Variants in ARHGEF5 observed in about 807,000 individuals in gnomAD.
The protein encoded by ARHGEF5 is Rho guanine nucleotide exchange factor (GEF) 5.
Under a neutral mutation model 104.0 loss-of-function variants are expected in ARHGEF5, and 11 were observed. The observed-to-expected ratio is 0.11, with a 90% CI of 0.07 to 0.18. The LOEUF (loss-of-function observed/expected upper bound fraction) is 0.18. Among genes scored for constraint, ARHGEF5 ranks in the 10% least tolerant of loss-of-function variants. The pLI is 1.00. For missense variants in ARHGEF5, 165 were observed against 1,335.4 expected, an observed-to-expected ratio of 0.12 and a Z score of 13.66; for synonymous variants, 60 against 512.2, an observed-to-expected ratio of 0.12 and a Z score of 11.92.
intron 1 of ARHGEF5, among the ~76,000 whole-genome samples, chr7:144,360,246 A>G (rs2053627946): frequency 8.5e-6 from 1 of 118,328 alleles, no homozygotes; most frequent in Admixed American, 9.1e-5. Flanking sequence ...GAGTAGCTGG[A>G]ACTACAGGCA....
intron 10 of ARHGEF5, among the ~76,000 whole-genome samples, chr7:144,373,836 C>G (rs1419882738): frequency 6.8e-6 from 1 of 147,954 alleles, no homozygotes; most frequent in Admixed American, 6.9e-5. Context: ...CAACTTAGAA[C>G]AGATACTATC....
chr7:144,361,932 TCTAGTTCAACA>T (rs2053645334), intron 1 of ARHGEF5, among the ~76,000 whole-genome samples: 1 of 117,276 alleles, frequency 8.5e-6, no homozygotes, highest in Non-Finnish European at 1.9e-5. Flanking sequence ...TGGTAATGTG[TCTAGTTCAACA>T]CTAATCCAAT....
chr7:144,372,973 C>T (rs2053734057), intron 9 of ARHGEF5, among the ~76,000 whole-genome samples: 1 of 135,064 alleles, frequency 7.4e-6, no homozygotes, highest in Non-Finnish European at 1.6e-5. Context: ...GCCCTCTCCA[C>T]CATCACCCCC....
chr7:144,359,888 C>T (rs1447358779), intron 1 of ARHGEF5, among the ~76,000 whole-genome samples: 5 of 145,080 alleles, frequency 3.4e-5, no homozygotes, highest in East Asian at 2.0e-4. Flanking sequence ...ACTGGAATAG[C>T]GTGAAATGGG....
intron 1 of ARHGEF5, among the ~76,000 whole-genome samples, chr7:144,359,865 G>A (rs544256488): frequency 1.2e-3 from 170 of 144,414 alleles, no homozygotes; most frequent in Non-Finnish European, 2.1e-3. Context: ...CTTAGGTGCT[G>A]TATGGAGAAA....
Position 144,380,239 on chromosome 7 carries a change from G to A in ARHGEF5, c.*183G>A, listed in dbSNP as rs1484005717. The stretch of plus-strand genomic sequence containing the variant: ...TCCTTTCGTGCTTTGTGCTTGGTGG[G>A]GGGGATTTCGAGGGACTTTGCACTG... On this transcript the variant is annotated 3_prime_UTR_variant, in exon 15 of 15. Transcript: ENST00000056217. 1.4e-6 allele frequency: 1 copy of A among 706,154 alleles called. No individual in the cohort carries two copies. The highest frequency in any genetic ancestry group is 3.0e-5 in the Admixed American group (1 of 33,634). The allele number at this position is 706,154 out of a possible 1,614,324, so 43.7% of individuals were successfully genotyped here.
Position 144,380,077 on chromosome 7 carries a change from C to G in ARHGEF5, c.*21C>G. The G allele has an allele frequency of 6.2e-7, 1 of 1,613,820 alleles. No individual in the cohort carries two copies. Among genetic ancestry groups the G allele is most frequent in the South Asian group, 1.1e-5 (1 of 91,024 alleles). On this transcript the variant is annotated 3_prime_UTR_variant, in exon 15 of 15. Transcript: ENST00000056217. ...CCTAAGTCTTCTCTGAGAGGAGTTT[C>G]GTGAGCTGAAGAACAAGCTGCTCAT...
At chr7:144,370,836 A>G (rs1359893060) in intron 5 of ARHGEF5, among the ~76,000 whole-genome samples, 2 of 143,286 alleles carry the variant, frequency 1.4e-5, no homozygotes, top group African/African-American at 2.6e-5. Flanking sequence ...TGGGCTACAT[A>G]TAAATAGTAA....
chr7:144,377,845 C>G (rs1326114631), intron 13 of ARHGEF5, among the ~76,000 whole-genome samples: 1 of 152,074 alleles, frequency 6.6e-6, no homozygotes, highest in Non-Finnish European at 1.5e-5. Flanking sequence ...CGTGTAGTAA[C>G]TGAACGCTGT....
rs752033309 is a variant in ARHGEF5 at position 144,365,386 on chromosome 7, CAG to C, written c.2720_2721del (p.Glu907ValfsTer9). 23 of 1,591,862 alleles carry C rather than the reference CAG, an allele frequency of 1.4e-5. No homozygotes were observed. The highest frequency in any genetic ancestry group is 1.7e-4 in the Middle Eastern group (1 of 6,004). On this transcript the variant is annotated frameshift_variant, in exon 2 of 15. Transcript: ENST00000056217. LOFTEE classifies it high-confidence loss of function. ...TGGCCCCCGGCCACAGCTAGATCAA[CAG>C]AGTCTTTCACTTCCACCAGCAGGAG...
Position 144,362,670 on chromosome 7 carries a change from A to ATGGAGGCTGAGGCGGCCCAGCG in ARHGEF5, c.13_14insCGGCCCAGCGTGGAGGCTGAGG (p.Glu5?). The ATGGAGGCTGAGGCGGCCCAGCG allele has an allele frequency of 7.4e-7, 1 of 1,354,738 alleles. No individual in the cohort carries two copies. The highest frequency in any genetic ancestry group is 2.0e-5 in the Admixed American group (1 of 49,866). The allele number at this position is 1,354,738 out of a possible 1,614,324, so 83.9% of individuals were successfully genotyped here. A position where few individuals can be genotyped will look rare whatever the true frequency, so the allele number is the denominator to read the frequency against. ...GATTCCTCCTTAGGATTCAGCCCTG[A>ATGGAGGCTGAGGCGGCCCAGCG]TGGAGGCTGAGGAGGCCCAGCGTGG... On this transcript the variant is annotated frameshift_variant and start_lost, in exon 2 of 15. Coordinates refer to ENST00000056217, the MANE Select transcript of ARHGEF5 (RefSeq NM_005435.4). LOFTEE classifies it high-confidence loss of function.
intron 2 of ARHGEF5, 53 bp from the exon 3 acceptor site, chr7:144,366,301 TG>T: frequency 6.6e-7 from 1 of 1,508,056 alleles, no homozygotes; most frequent in Non-Finnish European, 9.2e-7. Context: ...AGATCTTCTT[TG>T]GCTCTCTCTA....
rs369274436 is a variant in ARHGEF5 at position 144,358,589 on chromosome 7, G to A, written c.-13+3088G>A. Among the ~76,000 whole-genome samples the A allele has an allele frequency of 2.8e-4, 13 of 46,388 alleles. 1 individual carries two copies. The South Asian group carries it at 7.0e-3, about 25-fold the overall frequency. The allele number at this position is 46,388 out of a possible 152,430, so 30.4% of individuals were successfully genotyped here. A position where few individuals can be genotyped will look rare whatever the true frequency, so the allele number is the denominator to read the frequency against. ...CAGTTAACTGGAAAAGGACATAAAA[G>A]TCCTTCTGCCTGTGTACAATTATGT... On this transcript the variant is annotated intron_variant, in intron 1 of 14. Coordinates refer to ENST00000056217, the MANE Select transcript of ARHGEF5 (RefSeq NM_005435.4).
Position 144,362,670 on chromosome 7 carries a change from A to ATGGAGGCTGAGGAGGACCAGCG in ARHGEF5, c.16_17insACCAGCGTGGAGGCTGAGGAGG (p.Ala6?). The ATGGAGGCTGAGGAGGACCAGCG allele has an allele frequency of 7.4e-7, 1 of 1,354,720 alleles. No homozygotes were observed. Among genetic ancestry groups the ATGGAGGCTGAGGAGGACCAGCG allele is most frequent in the Admixed American group, 2.0e-5 (1 of 49,866 alleles). The allele number at this position is 1,354,720 out of a possible 1,614,324, so 83.9% of individuals were successfully genotyped here. On this transcript the variant is annotated frameshift_variant and start_lost, in exon 2 of 15. Coordinates refer to ENST00000056217, the MANE Select transcript of ARHGEF5 (RefSeq NM_005435.4). LOFTEE classifies it high-confidence loss of function. ...GATTCCTCCTTAGGATTCAGCCCTG[A>ATGGAGGCTGAGGAGGACCAGCG]TGGAGGCTGAGGAGGCCCAGCGTGG...
chr7:144,373,454 A>T (rs1451471422), intron 10 of ARHGEF5, among the ~76,000 whole-genome samples, 170 bp downstream of exon 10: 3 of 85,924 alleles, frequency 3.5e-5, no homozygotes, highest in Non-Finnish European at 4.8e-5. Flanking sequence ...GGTCTCCAAG[A>T]CATACTGCTA....
chr7:144,370,494 G>A (rs1199804148), intron 5 of ARHGEF5, among the ~76,000 whole-genome samples: 3 of 148,494 alleles, frequency 2.0e-5, no homozygotes, highest in Non-Finnish European at 3.0e-5. Flanking sequence ...TTGAGATGGG[G>A]TTTCACTCTG....
rs763867262 is a variant in ARHGEF5, at chr7:144,373,275, T to A, written c.4131T>A (p.Phe1377Leu). The change falls in exon 10 of 15, where the codon TTT becomes TTA. Residue 1377 changes from phenylalanine (F) to leucine (L), a missense_variant. Phe to Leu is a conservative substitution (Grantham distance 22). Coordinates refer to ENST00000056217, the MANE Select transcript of ARHGEF5 (RefSeq NM_005435.4). Reference protein sequence around the residue: ...ELIYLSQKIEFECKIFPLISQ... With the variant: ...ELIYLSQKIELECKIFPLISQ... ...TCTACCTGAGCCAGAAGATTGAGTT[T>A]GAGTGCAAAGTGAGTCGGTCCCATG... is the stretch of plus-strand genomic sequence containing the variant. The A allele has an allele frequency of 2.1e-6, 3 of 1,445,532 alleles. 1 individual carries two copies. Among genetic ancestry groups the A allele is most frequent in the Non-Finnish European group, 2.8e-6 (3 of 1,060,860 alleles). The allele number at this position is 1,445,532 out of a possible 1,614,324, so 89.5% of individuals were successfully genotyped here.
At chr7:144,361,143 G>A (rs1563114683) in intron 1 of ARHGEF5, among the ~76,000 whole-genome samples, 1 of 140,048 alleles carries the variant, frequency 7.1e-6, no homozygotes, top group African/African-American at 2.6e-5. Context: ...CAGGAGAATG[G>A]CTTGAACCCG....
intron 13 of ARHGEF5, among the ~76,000 whole-genome samples, chr7:144,377,840 A>G (rs2053772319): frequency 6.6e-6 from 1 of 152,244 alleles, no homozygotes; most frequent in African/African-American, 2.4e-5. Context: ...AGAGCCGTGT[A>G]GTAACTGAAC....
Sources: allele counts gnomAD v4.1 joint callset (sites outside exome capture counted in the v4.1 genomes callset), GRCh38; gene constraint gnomAD v4.1.1; transcripts MANE v1.5; gene names NCBI Gene and HGNC (gene_info 2026-07-23, HGNC 2026-07-21).